Variants in ABCC4 observed in about 807,000 individuals in gnomAD.
The protein encoded by ABCC4 is ATP binding cassette subfamily C member 4 (PEL blood group), also known as ATP-binding cassette sub-family C member 4.
A neutral mutation model predicts 168.5 loss-of-function variants in ABCC4; 102 were observed. That is an observed-to-expected ratio of 0.61 (90% CI 0.52 to 0.71). The LOEUF (loss-of-function observed/expected upper bound fraction) is 0.71, where lower values mean the gene tolerates loss of function less well. Among genes scored for constraint, ABCC4 ranks in the 30% least tolerant of loss-of-function variants. The probability of loss-of-function intolerance (pLI) is 0.00; values close to 1 mark genes in which losing one functional copy is unlikely to be tolerated. For missense variants in ABCC4, 1,402 were observed against 1,605.8 expected, an observed-to-expected ratio of 0.87 and a Z score of 2.17; for synonymous variants, 617 against 590.7, an observed-to-expected ratio of 1.04 and a Z score of -0.65.
intron 8 of ABCC4, among the ~76,000 whole-genome samples, chr13:95,196,098 G>C (rs994507144): frequency 5.9e-5 from 9 of 152,044 alleles, no homozygotes; most frequent in Admixed American, 2.6e-4. Context: ...ATGATATATG[G>C]GAAAACTCCC....
chr13:95,037,477 T>C (rs1341948498), intron 29 of ABCC4, among the ~76,000 whole-genome samples: 2 of 152,242 alleles, frequency 1.3e-5, no homozygotes, highest in Non-Finnish European at 2.9e-5. Context: ...TCTATCAAGA[T>C]GCTGACAGCC....
intron 19 of ABCC4, 113 bp from the exon 20 acceptor site, chr13:95,116,114 AT>A: frequency 1.5e-6 from 1 of 672,526 alleles, no homozygotes; most frequent in Non-Finnish European, 2.4e-6. Context: ...TTAATATATT[AT>A]TCATATGAAA....
intron 30 of ABCC4, among the ~76,000 whole-genome samples, chr13:95,025,389 A>AT (rs2031460223): frequency 2.3e-4 from 1 of 4,368 alleles, no homozygotes; most frequent in Non-Finnish European, 3.6e-4. Flanking sequence ...ACACCCTCCC[A>AT]CCCCCACACA....
intron 25 of ABCC4, among the ~76,000 whole-genome samples, chr13:95,067,388 A>G (rs1452522725): frequency 6.6e-6 from 1 of 152,224 alleles, no homozygotes; most frequent in East Asian, 1.9e-4. Context: ...TCTCATGTTT[A>G]GTCACAAGAG....
At chr13:95,064,991 G>A (rs1302034103) in intron 25 of ABCC4, among the ~76,000 whole-genome samples, 1 of 152,062 alleles carries the variant, frequency 6.6e-6, no homozygotes, top group African/African-American at 2.4e-5. Flanking sequence ...CCCCAACTGG[G>A]CCAAGAGTGG....
At position 95,040,096 on chromosome 13, in the gene ABCC4, A is replaced by G. The variant is rs150667238; in HGVS notation, c.3735+3586T>C. Among the ~76,000 whole-genome samples the G allele has an allele frequency of 5.0e-3, 759 of 152,284 alleles. 7 individuals carry two copies. Among genetic ancestry groups the G allele is most frequent in the Middle Eastern group, 0.017 (5 of 294 alleles). On this transcript the variant is annotated intron_variant, in intron 29 of 30. Transcript: ENST00000645237. ...CAAGATACTATGGCATGTGGCAAAG[A>G]TTACTTAAAATCCTGCCTCAGGTCT... is the stretch of plus-strand genomic sequence containing the variant.
intron 19 of ABCC4, among the ~76,000 whole-genome samples, chr13:95,158,801 G>A (rs923458205): frequency 2.0e-5 from 3 of 151,982 alleles, no homozygotes; most frequent in African/African-American, 4.8e-5. Context: ...TGGGTCCAGT[G>A]GCTCATGCCT....
chr13:95,244,603 A>T (rs1245298372), intron 3 of ABCC4, among the ~76,000 whole-genome samples: 1 of 40,810 alleles, frequency 2.5e-5, no homozygotes, highest in Admixed American at 2.3e-4. Context: ...ACATGAAAGA[A>T]AGAAAGAAAG....
intron 1 of ABCC4, among the ~76,000 whole-genome samples, chr13:95,269,817 G>A (rs2040797497): frequency 1.3e-5 from 2 of 152,102 alleles, no homozygotes; most frequent in African/African-American, 4.8e-5. Context: ...CAAATGCATG[G>A]TGACAGTGTG....
At chr13:95,262,686 G>A (rs7338004) in intron 1 of ABCC4, among the ~76,000 whole-genome samples, 3,273 of 150,758 alleles carry the variant, frequency 0.022, 96 homozygotes, top group East Asian at 0.088. Flanking sequence ...AGGCTGGAGT[G>A]CTGTGGTGCG....
At chr13:95,171,266 T>G (rs1278090772) in intron 13 of ABCC4, among the ~76,000 whole-genome samples, 1 of 151,970 alleles carries the variant, frequency 6.6e-6, no homozygotes, top group Non-Finnish European at 1.5e-5. Flanking sequence ...ATCCAAACAG[T>G]CCAAACCATA....
chr13:95,032,434 T>G (rs2031918302), intron 30 of ABCC4, among the ~76,000 whole-genome samples: 1 of 152,216 alleles, frequency 6.6e-6, no homozygotes, highest in African/African-American at 2.4e-5. Flanking sequence ...AGGGGCATGT[T>G]TAATGTATTT....
chr13:95,096,329 G>A (rs1276801783), intron 20 of ABCC4: 6 of 423,784 alleles, frequency 1.4e-5, no homozygotes, highest in Middle Eastern at 6.0e-4. Context: ...CAACACCCTA[G>A]ATCTTGGAGC....
In ABCC4 at chr13:95,243,147, C is replaced by T. The variant is rs560035723; in HGVS notation, c.306+3828G>A. On this transcript the variant is annotated intron_variant, in intron 3 of 30. Coordinates refer to ENST00000645237, the MANE Select transcript of ABCC4 (RefSeq NM_005845.5). ...CAGGCTCCACTTTATATGAGAGGTG[C>T]CTGCCGCCAGCACTGTGTGGGTCCA... 9.4e-5 allele frequency among the ~76,000 whole-genome samples: 14 copies of T among 148,376 alleles called. 1 individual carries two copies. In the South Asian group the frequency reaches 2.9e-3, roughly 30 times the overall value.
chr13:95,194,378 G>C (rs138769644), intron 9 of ABCC4, among the ~76,000 whole-genome samples: 63 of 152,242 alleles, frequency 4.1e-4, no homozygotes, highest in African/African-American at 1.4e-3. Flanking sequence ...CCCCAACCCC[G>C]TGGCAAAAAT....
Position 95,177,719 on chromosome 13 carries a change from T to C in ABCC4, c.1715A>G (p.His572Arg), listed in dbSNP as rs1333332336. The C allele has an allele frequency of 2.5e-6, 4 of 1,610,090 alleles. No homozygotes were observed. Among genetic ancestry groups the C allele is most frequent in the Non-Finnish European group, 2.5e-6 (3 of 1,176,950 alleles). Residue 572 changes from histidine to arginine, a missense_variant, in exon 13 of 31, where the codon CAC becomes CGC. This residue lies in a region of ABCC4 where 1,007 missense variants were observed against 1,127.3 expected (regional missense o/e 0.89). Transcript: ENST00000645237. The part of the protein sequence containing the change: ...LSAVDAEVSR[H>R]LFELCICQIL... ...CAAACACACTCACAGTTCGAACAAG[T>C]GTCTGCTAACTTCCGCATCTACTGC...
chr13:95,082,430 A>G (rs1293610988), intron 21 of ABCC4, among the ~76,000 whole-genome samples: 2 of 152,178 alleles, frequency 1.3e-5, no homozygotes, highest in African/African-American at 4.8e-5. Flanking sequence ...GCAACAGACT[A>G]TATGTTTTCT....
At chr13:95,135,476 A>T (rs2036117309) in intron 19 of ABCC4, among the ~76,000 whole-genome samples, 1 of 150,872 alleles carries the variant, frequency 6.6e-6, no homozygotes, top group African/African-American at 2.4e-5. Flanking sequence ...ATAGCTGTGC[A>T]ATCACAGCTC....
At chr13:95,139,537 C>T (rs1472196845) in intron 19 of ABCC4, among the ~76,000 whole-genome samples, 10 of 152,174 alleles carry the variant, frequency 6.6e-5, no homozygotes, top group Admixed American at 5.9e-4. Context: ...ACCTACACAG[C>T]CCATGCCCAA....
Sources: allele counts gnomAD v4.1 joint callset (sites outside exome capture counted in the v4.1 genomes callset), GRCh38; gene constraint gnomAD v4.1.1; regional missense constraint gnomAD v4.1.1; transcripts MANE v1.5; gene names NCBI Gene and HGNC (gene_info 2026-07-23, HGNC 2026-07-21).